LRFN2: variants seen among roughly 807,000 people sequenced by gnomAD.
The protein encoded by LRFN2 is leucine rich repeat and fibronectin type III domain containing 2, also known as leucine-rich repeat and fibronectin type-III domain-containing protein 2.
Under a neutral mutation model 37.3 loss-of-function variants are expected in LRFN2, and 18 were observed. That is an observed-to-expected ratio of 0.48 (90% CI 0.33 to 0.72). LRFN2 has a LOEUF of 0.72. Among genes scored for constraint, LRFN2 ranks in the 30% least tolerant of loss-of-function variants. LRFN2 has a pLI of 0.02. For synonymous variants in LRFN2, 556 were observed against 466.6 expected (o/e 1.19, Z -2.47); for missense variants, 1,006 against 1,060.7 (o/e 0.95, Z 0.72).
intron 1 of LRFN2, among the ~76,000 whole-genome samples, chr6:40,566,598 G>A (rs1371844259): frequency 6.6e-6 from 1 of 151,522 alleles, no homozygotes; most frequent in African/African-American, 2.4e-5. Context: ...CATGGATGAA[G>A]CTGGAAACCA....
At chr6:40,459,856 CT>C (rs1764309441) in intron 1 of LRFN2, among the ~76,000 whole-genome samples, 1 of 152,116 alleles carries the variant, frequency 6.6e-6, no homozygotes, top group Non-Finnish European at 1.5e-5. Context: ...TCGCCTAATT[CT>C]TATATCAACT....
intron 2 of LRFN2, among the ~76,000 whole-genome samples, chr6:40,400,064 CT>C (rs1434700340): frequency 6.6e-6 from 1 of 151,744 alleles, no homozygotes; most frequent in Non-Finnish European, 1.5e-5. Flanking sequence ...CTTTTAAGGC[CT>C]GACTCATAAA....
intron 1 of LRFN2, among the ~76,000 whole-genome samples, chr6:40,555,407 G>A (rs776531585): frequency 2.3e-4 from 35 of 152,298 alleles, no homozygotes; most frequent in East Asian, 3.9e-4. Flanking sequence ...GTGAGACTAC[G>A]CCAGCAGGAT....
chr6:40,495,086 G>T (rs965727385), intron 1 of LRFN2, among the ~76,000 whole-genome samples: 1 of 152,142 alleles, frequency 6.6e-6, no homozygotes, highest in African/African-American at 2.4e-5. Flanking sequence ...CTAATAACTG[G>T]GCAGACCTTT....
At chr6:40,580,190 AT>A (rs1293737569) in intron 1 of LRFN2, among the ~76,000 whole-genome samples, 1 of 152,166 alleles carries the variant, frequency 6.6e-6, no homozygotes, top group African/African-American at 2.4e-5. Context: ...CCCACACCCT[AT>A]TTTGGTGAAA....
chr6:40,403,735 C>T (rs2113799055), intron 2 of LRFN2, among the ~76,000 whole-genome samples: 1 of 152,302 alleles, frequency 6.6e-6, no homozygotes, highest in African/African-American at 2.4e-5. Context: ...TCCCATCCCC[C>T]AGCCTCTTCT....
At chr6:40,513,302 T>G (rs966423674) in intron 1 of LRFN2, among the ~76,000 whole-genome samples, 1 of 152,080 alleles carries the variant, frequency 6.6e-6, no homozygotes, top group African/African-American at 2.4e-5. Flanking sequence ...GGTGAGATCT[T>G]GGCTCACTAC....
At chr6:40,454,933 A>G (rs1446167097) in intron 1 of LRFN2, among the ~76,000 whole-genome samples, 2 of 152,174 alleles carry the variant, frequency 1.3e-5, no homozygotes, top group Non-Finnish European at 2.9e-5. Context: ...ACATCTATTT[A>G]TCTTCTATAT....
intron 1 of LRFN2, among the ~76,000 whole-genome samples, chr6:40,545,785 A>G (rs1397316878): frequency 6.6e-6 from 1 of 152,210 alleles, no homozygotes; most frequent in East Asian, 1.9e-4. Flanking sequence ...CCTGGGTCTC[A>G]TGAGATGAAA....
intron 1 of LRFN2, among the ~76,000 whole-genome samples, chr6:40,492,836 A>T (rs78046864): frequency 0.028 from 4,242 of 152,056 alleles, 108 homozygotes; most frequent in East Asian, 0.098. Flanking sequence ...TCACAGGAAC[A>T]CCCCTCCCAA....
chr6:40,493,224 C>T (rs1372454792), intron 1 of LRFN2, among the ~76,000 whole-genome samples: 1 of 152,122 alleles, frequency 6.6e-6, no homozygotes, highest in Non-Finnish European at 1.5e-5. Flanking sequence ...TGCCCCCTGC[C>T]CTTGCCAGCC....
intron 1 of LRFN2, among the ~76,000 whole-genome samples, chr6:40,437,892 G>A (rs1214919771): frequency 6.6e-6 from 1 of 152,196 alleles, no homozygotes; most frequent in African/African-American, 2.4e-5. Flanking sequence ...GCTCACAACA[G>A]AATATTCAGA....
intron 1 of LRFN2, among the ~76,000 whole-genome samples, chr6:40,487,045 C>T (rs1044972968): frequency 6.6e-6 from 1 of 152,052 alleles, no homozygotes; most frequent in Non-Finnish European, 1.5e-5. Flanking sequence ...GAGGGGATGG[C>T]GTTGGGATCC....
At chr6:40,555,042 C>T (rs886699756) in intron 1 of LRFN2, among the ~76,000 whole-genome samples, 1 of 152,234 alleles carries the variant, frequency 6.6e-6, no homozygotes, top group Non-Finnish European at 1.5e-5. Flanking sequence ...GTCCTCTTTA[C>T]AATTGGTTAA....
intron 1 of LRFN2, among the ~76,000 whole-genome samples, chr6:40,570,528 G>A (rs1015849552): frequency 2.0e-5 from 3 of 152,076 alleles, no homozygotes; most frequent in Non-Finnish European, 2.9e-5. Flanking sequence ...ACCCTGGGCC[G>A]CCCTGTCCCT....
In LRFN2 at chr6:40,392,045, G is replaced by A; in HGVS notation, c.2268C>T (p.Ser756=). 1 of 1,614,048 alleles carries A rather than the reference G, an allele frequency of 6.2e-7. No homozygotes were observed. The highest frequency in any genetic ancestry group is 8.5e-7 in the Non-Finnish European group (1 of 1,179,974). The part of the protein sequence containing the change: ...RKVSNIWTKR[S]LSVNGMLLPF... The stretch of plus-strand genomic sequence containing the variant: ...GCAAGAGCATGCCGTTGACAGAGAG[G>A]CTGCGCTTCGTCCAGATGTTCGAGA... The change falls in exon 3 of 3, where the codon AGC becomes AGT. Residue 756 remains serine, a synonymous_variant. Transcript: ENST00000338305. This position sits in a 1 kb window ranked among gnomAD's most constrained non-coding sequence, Gnocchi z 4.7.
Position 40,432,012 on chromosome 6 carries a change from CCT to C in LRFN2, c.1100_1101del (p.Glu367GlyfsTer63). 6.2e-7 allele frequency: 1 copy of C among 1,613,816 alleles called. No individual in the cohort carries two copies. ...FTCIAANAAGEATAMVEVSIV... is the reference protein window; with the variant it reads ...FTCIAANAAGXATAMVEVSIV... ...ATGGAGACCTCCACCATGGCCGTGG[CCT>C]CTCCGGCAGCATTGGCAGCAATGCA... On this transcript the variant is annotated frameshift_variant, in exon 2 of 3. Coordinates refer to ENST00000338305, the MANE Select transcript of LRFN2 (RefSeq NM_020737.3). LOFTEE classifies it high-confidence loss of function.
At chr6:40,467,000 T>C (rs1764485420) in intron 1 of LRFN2, among the ~76,000 whole-genome samples, 1 of 151,832 alleles carries the variant, frequency 6.6e-6, no homozygotes, top group African/African-American at 2.4e-5. Flanking sequence ...CACCTACAAG[T>C]CAAGTAGAGA....
intron 1 of LRFN2, among the ~76,000 whole-genome samples, chr6:40,553,615 C>T (rs1409119031): frequency 1.3e-5 from 2 of 152,170 alleles, no homozygotes; most frequent in African/African-American, 4.8e-5. Context: ...AGATCAGAGC[C>T]AGCACATAGC....
Sources: gnomAD v4.1 joint callset for allele counts (sites outside exome capture counted in the v4.1 genomes callset) on GRCh38, gnomAD v4.1.1 for gene constraint, Gnocchi (gnomAD v3.1) non-coding constraint, MANE v1.5 for transcripts, NCBI Gene and HGNC (gene_info 2026-07-23, HGNC 2026-07-21) for gene names.